The following ZFHX2 variants were observed in gnomAD, a reference collection of about 807,000 sequenced individuals.
ZFHX2 encodes zinc finger homeobox protein 2.
Under a neutral mutation model 164.8 loss-of-function variants are expected in ZFHX2, and 75 were observed. The observed-to-expected ratio is 0.46, with a 90% CI of 0.38 to 0.55. The LOEUF is 0.55. Among genes scored for constraint, ZFHX2 ranks in the 20% least tolerant of loss-of-function variants. The pLI, the probability that ZFHX2 is intolerant of heterozygous loss-of-function variation, is 0.00. For synonymous variants in ZFHX2, 1,217 were observed against 1,351.4 expected, an observed-to-expected ratio of 0.90 and a Z score of 2.18; for missense variants, 2,933 against 3,308.0, an observed-to-expected ratio of 0.89 and a Z score of 2.78.
At chr14:23,539,627 G>A (rs1880577429) in intron 1 of ZFHX2, among the ~76,000 whole-genome samples, 1 of 152,198 alleles carries the variant, frequency 6.6e-6, no homozygotes, top group South Asian at 2.1e-4. Flanking sequence ...GCCCCTCGCT[G>A]AAGAGGAGCC....
chr14:23,552,343 G>A (rs956586874), upstream of ZFHX2, among the ~76,000 whole-genome samples: 5 of 150,584 alleles, frequency 3.3e-5, no homozygotes, highest in Non-Finnish European at 7.4e-5. Flanking sequence ...GCCCAGGTTG[G>A]AGTGCAGTGG....
At chr14:23,545,649 A>G (rs1484746366) in intron 1 of ZFHX2, among the ~76,000 whole-genome samples, 2 of 152,204 alleles carry the variant, frequency 1.3e-5, no homozygotes, top group Non-Finnish European at 2.9e-5. Flanking sequence ...AGGTTTGTGG[A>G]AACCACATAG....
chr14:23,528,082 A>AT (rs1183416680), intron 6 of ZFHX2, among the ~76,000 whole-genome samples: 1 of 151,544 alleles, frequency 6.6e-6, no homozygotes, highest in Non-Finnish European at 1.5e-5. Flanking sequence ...TAATTTTTGT[A>AT]TTTTTTAGTG....
At position 23,523,667 on chromosome 14, in the gene ZFHX2, A is replaced by C. The variant is rs1183326175; in HGVS notation, c.6275T>G (p.Met2092Arg). The C allele has an allele frequency of 3.9e-6, 6 of 1,542,360 alleles. No individual in the cohort carries two copies. The highest frequency in any genetic ancestry group is 4.3e-6 in the Non-Finnish European group (5 of 1,149,826). ...ACYEAYRTPT[M>R]QECEVLGEEI... is the part of the protein sequence containing the mutation. ...CTCTCCCAGCACCTCACACTCCTGC[A>C]TGGTGGGGGTGCGGTAAGCTTCATA... Residue 2092 changes from methionine to arginine, a missense_variant, in exon 9 of 10, where the codon ATG becomes AGG. Coordinates refer to ENST00000419474, the MANE Select transcript of ZFHX2 (RefSeq NM_033400.3). This position sits in a 1 kb window ranked among gnomAD's most constrained non-coding sequence, Gnocchi z 4.1.
rs1253692341 is a variant in ZFHX2 at position 23,534,343 on chromosome 14, GCCTCAGGGGGGCCAT to G, written c.968_982del (p.Asp323_Glu327del). 1 of 1,536,654 alleles carries G rather than the reference GCCTCAGGGGGGCCAT, an allele frequency of 6.5e-7. No individual in the cohort carries two copies. The highest frequency in any genetic ancestry group is 2.4e-5 in the East Asian group (1 of 40,926). The stretch of plus-strand genomic sequence containing the variant: ...CAGGAGGATAAGGGCCTGGACTTCT[GCCTCAGGGGGGCCAT>G]CCTCTGTCTGGGCCACATTCGCCTC... On this transcript the variant is annotated inframe_deletion, in exon 2 of 10. Transcript: ENST00000419474. The surrounding 1 kb of genome is among the most constrained non-coding windows in gnomAD (Gnocchi z 4.5).
intron 1 of ZFHX2, among the ~76,000 whole-genome samples, chr14:23,541,273 C>A (rs924669588): frequency 4.7e-5 from 7 of 150,200 alleles, no homozygotes; most frequent in Non-Finnish European, 8.9e-5. Flanking sequence ...AGGGCAGAAT[C>A]TTAGATGGAC....
rs556391862 is a variant in ZFHX2, at chr14:23,524,838, C to T, written c.5104G>A (p.Glu1702Lys). ...TCTTCCCCTCTCTCTGCCTCTTCCT[C>T]CTCCTCTTCAAGGGTCTGGTCATCA... is the stretch of plus-strand genomic sequence containing the variant. ...CYDDQTLEEE[E>K]EEAERGEEEE... The change falls in exon 9 of 10, where the codon GAG becomes AAG. Residue 1702 changes from glutamate (E) to lysine (K), a missense_variant. Glu to Lys is a moderately conservative substitution (Grantham distance 56). Transcript: ENST00000419474. This position sits in a 1 kb window ranked among gnomAD's most constrained non-coding sequence, Gnocchi z 5.6. The T allele has an allele frequency of 4.6e-6, 7 of 1,537,016 alleles. No individual in the cohort carries two copies. Among genetic ancestry groups the T allele is most frequent in the African/African-American group, 1.4e-5 (1 of 73,198 alleles).
Position 23,532,701 on chromosome 14 carries a change from C to A in ZFHX2, c.2425G>T (p.Asp809Tyr). 1 of 1,532,244 alleles carries A rather than the reference C, an allele frequency of 6.5e-7. No individual in the cohort carries two copies. Among genetic ancestry groups the A allele is most frequent in the Non-Finnish European group, 8.7e-7 (1 of 1,144,642 alleles). 94.9% of individuals were successfully genotyped at this position (1,532,244 alleles called of 1,614,324 possible). ...MGTPSPASLGDGAPYGSVSPL... is the reference protein window; with the variant it reads ...MGTPSPASLGYGAPYGSVSPL... ...GAGACAGACCCATAAGGAGCCCCATCTCCCAGGGATGCTGGGGAAGGGGTG... is the reference window on the plus strand; with the variant it reads ...GAGACAGACCCATAAGGAGCCCCATATCCCAGGGATGCTGGGGAAGGGGTG... The change falls in exon 3 of 10, where the codon GAT becomes TAT. Residue 809 changes from aspartate (D) to tyrosine (Y), a missense_variant. Physicochemically the swap from Asp to Tyr is radical, Grantham distance 160. Coordinates refer to ENST00000419474, the MANE Select transcript of ZFHX2 (RefSeq NM_033400.3).
chr14:23,529,503 C>T lies in ZFHX2; in HGVS notation c.2934+207G>A. On this transcript the variant is annotated intron_variant, in intron 6 of 9. Coordinates refer to ENST00000419474, the MANE Select transcript of ZFHX2 (RefSeq NM_033400.3). Reference sequence around the variant, plus strand: ...GTTCCTGCTGTCTCCCTCCTATCATCTCCCTCTGTGCTTGACCCTGCTGGG... The same window carrying T: ...GTTCCTGCTGTCTCCCTCCTATCATTTCCCTCTGTGCTTGACCCTGCTGGG... 6 of 571,580 alleles carry T rather than the reference C, an allele frequency of 1.0e-5. No homozygotes were observed. In the South Asian group the frequency reaches 1.2e-4, roughly 12 times the overall value. 35.4% of individuals were successfully genotyped at this position (571,580 alleles called of 1,614,324 possible).
intron 1 of ZFHX2, among the ~76,000 whole-genome samples, chr14:23,544,895 G>A (rs1222665765): frequency 6.6e-6 from 1 of 151,530 alleles, no homozygotes; most frequent in African/African-American, 2.4e-5. Context: ...CTCCTACCAG[G>A]TTTCCCTTTC....
chr14:23,547,345 C>G (rs570106361), intron 1 of ZFHX2, among the ~76,000 whole-genome samples: 1 of 152,284 alleles, frequency 6.6e-6, no homozygotes, highest in African/African-American at 2.4e-5. Flanking sequence ...TCCTTATTTG[C>G]GGCCATTGTA....
chr14:23,540,815 T>C (rs1880718333), intron 1 of ZFHX2, among the ~76,000 whole-genome samples: 1 of 152,250 alleles, frequency 6.6e-6, no homozygotes, highest in African/African-American at 2.4e-5. Context: ...GTAGTTCTTT[T>C]CCTTCTCTCT....
chr14:23,523,953 G>A lies in ZFHX2; in HGVS notation c.5989C>T (p.Pro1997Ser). The change falls in exon 9 of 10, where the codon CCT becomes TCT. Residue 1997 changes from proline to serine, a missense_variant. By Grantham distance (74) the Pro-to-Ser change is moderately conservative (BLOSUM62 -1). Transcript: ENST00000419474. The surrounding 1 kb of genome is among the most constrained non-coding windows in gnomAD (Gnocchi z 4.1). ...CTGGGTGGAGGGGGAGGTAGGAGAGGTAGAGGTGGCTCTGGTGTTGGGGTG... is the reference window on the plus strand; with the variant it reads ...CTGGGTGGAGGGGGAGGTAGGAGAGATAGAGGTGGCTCTGGTGTTGGGGTG... Reference protein sequence around the residue: ...ATTPTPEPPLPLLPPPPPSEE... With the variant: ...ATTPTPEPPLSLLPPPPPSEE... 6.5e-7 allele frequency: 1 copy of A among 1,535,378 alleles called. No individual in the cohort carries two copies. Among genetic ancestry groups the A allele is most frequent in the Non-Finnish European group, 8.7e-7 (1 of 1,146,328 alleles).
chr14:23,537,367 T>A (rs1880291748), intron 1 of ZFHX2, among the ~76,000 whole-genome samples: 1 of 152,116 alleles, frequency 6.6e-6, no homozygotes, highest in Non-Finnish European at 1.5e-5. Flanking sequence ...CTCTAGTGAT[T>A]AAACTGGTAG....
rs1229777934 is a variant in ZFHX2 at position 23,536,564 on chromosome 14, T to C, written c.-49-1190A>G. ...TAAGTAATAGTAATAATATTACTAA[T>C]AGTTATGTAGGTACATATACCATGG... On this transcript the variant is annotated intron_variant, in intron 1 of 9. Transcript: ENST00000419474. Among the ~76,000 whole-genome samples the C allele has an allele frequency of 2.0e-5, 3 of 152,210 alleles. No homozygotes were observed. The East Asian group carries it at 5.8e-4, about 29-fold the overall frequency.
rs1879285931 is a variant in ZFHX2, at chr14:23,529,750, T to C, written c.2894A>G (p.Asn965Ser). 6.5e-7 allele frequency: 1 copy of C among 1,536,292 alleles called. No homozygotes were observed. Among genetic ancestry groups the C allele is most frequent in the African/African-American group, 1.4e-5 (1 of 73,158 alleles). The change falls in exon 6 of 10, where the codon AAC (asparagine) becomes AGC (serine). Residue 965 changes from asparagine to serine, a missense_variant. Transcript: ENST00000419474. ...ACTGTCTCTGGAAGGGCCAGTCTTG[T>C]TTTCTGTCTCTTCTGAAGCTGAGGA... ...TEQLASEETE[N>S]KTGPSRDSAN...
At chr14:23,553,999 G>A (rs1882158121), upstream of ZFHX2, among the ~76,000 whole-genome samples, 1 of 142,426 alleles carries the variant, frequency 7.0e-6, no homozygotes, top group Admixed American at 7.3e-5. Context: ...AGGAGGCAGA[G>A]GTTGCAGTGA....
chr14:23,541,216 C>A (rs1168741141), intron 1 of ZFHX2, among the ~76,000 whole-genome samples: 2 of 151,520 alleles, frequency 1.3e-5, no homozygotes, highest in Non-Finnish European at 2.9e-5. Context: ...TCTGTTCACC[C>A]CTTTCTTGAC....
Position 23,524,660 on chromosome 14 carries a change from G to T in ZFHX2, c.5282C>A (p.Ala1761Asp), listed in dbSNP as rs1417560098. The change falls in exon 9 of 10, where the codon GCT becomes GAT. Residue 1761 changes from alanine (A) to aspartate (D), a missense_variant. By Grantham distance (126) the Ala-to-Asp change is moderately radical. Coordinates refer to ENST00000419474, the MANE Select transcript of ZFHX2 (RefSeq NM_033400.3). The surrounding 1 kb of genome is among the most constrained non-coding windows in gnomAD (Gnocchi z 5.6). ...ATGGGCTGGGGAAGGTGATGGAGTA[G>T]CCTTCTCTTCAGGCTCTTTGCCTCC... ...KAGGKEPEEK[A>D]TPSPSPAHTC... The T allele has an allele frequency of 6.5e-7, 1 of 1,536,232 alleles. No homozygotes were observed. The highest frequency in any genetic ancestry group is 8.7e-7 in the Non-Finnish European group (1 of 1,146,920).
Sources: gnomAD v4.1 joint callset for allele counts (sites outside exome capture counted in the v4.1 genomes callset) on GRCh38, gnomAD v4.1.1 for gene constraint, Gnocchi (gnomAD v3.1) non-coding constraint, MANE v1.5 for transcripts, NCBI Gene and HGNC (gene_info 2026-07-23, HGNC 2026-07-21) for gene names.